PPARGC1A: variants seen among roughly 807,000 people sequenced by gnomAD.
PPARGC1A encodes the protein PPARG coactivator 1 alpha.
Under a neutral mutation model 88.7 loss-of-function variants are expected in PPARGC1A, and 25 were observed. The observed-to-expected ratio is 0.28, with a 90% confidence interval of 0.21 to 0.39. The LOEUF (loss-of-function observed/expected upper bound fraction) is 0.39, where lower values mean the gene tolerates loss of function less well. PPARGC1A is among the 10% of genes least tolerant of loss of function. The probability of loss-of-function intolerance (pLI) is 1.00; values close to 1 mark genes in which losing one functional copy is unlikely to be tolerated. For missense variants in PPARGC1A, 880 were observed against 968.7 expected, an observed-to-expected ratio of 0.91 and a Z score of 1.22; for synonymous variants, 363 against 355.6, an observed-to-expected ratio of 1.02 and a Z score of -0.24.
At chr4:24,306,801 A>T in the PPARGC1A span, among the ~76,000 whole-genome samples, 1 of 152,218 alleles carries the variant, frequency 6.6e-6, no homozygotes, top group African/African-American at 2.4e-5. Context: ...CAAAGTAGTA[A>T]TAGGAAGGAG....
At chr4:24,172,178 G>A in the PPARGC1A span, among the ~76,000 whole-genome samples, 1 of 152,182 alleles carries the variant, frequency 6.6e-6, no homozygotes, top group African/African-American at 2.4e-5. Flanking sequence ...CAGTATCACA[G>A]CAGGTCACTG....
At chr4:24,288,155 C>T in the PPARGC1A span, among the ~76,000 whole-genome samples, 1 of 152,120 alleles carries the variant, frequency 6.6e-6, no homozygotes, top group African/African-American at 2.4e-5. Context: ...TATCCCAGAC[C>T]TGAATTACAG....
At chr4:23,991,904 G>A in the PPARGC1A span, among the ~76,000 whole-genome samples, 1 of 152,060 alleles carries the variant, frequency 6.6e-6, no homozygotes, top group East Asian at 1.9e-4. Context: ...CTTAGCTGAG[G>A]AAGGCTGCAA....
At chr4:23,806,009 C>A (rs529461400) in intron 10 of PPARGC1A, among the ~76,000 whole-genome samples, 1 of 152,138 alleles carries the variant, frequency 6.6e-6, no homozygotes, top group East Asian at 1.9e-4. Flanking sequence ...AACCAGAGGA[C>A]CTTTTATAAT....
the PPARGC1A span, among the ~76,000 whole-genome samples, chr4:24,000,524 T>C: frequency 2.7e-5 from 4 of 150,098 alleles, no homozygotes; most frequent in Non-Finnish European, 5.9e-5. Context: ...TTTTTTTTAA[T>C]GAAGCAGATA....
At chr4:23,857,373 G>GT (rs148212399) in intron 2 of PPARGC1A, among the ~76,000 whole-genome samples, 28 of 104,452 alleles carry the variant, frequency 2.7e-4, no homozygotes, top group East Asian at 1.4e-3. Context: ...GTGTGTGTGT[G>GT]ACACACACAC....
At chr4:23,908,598 CTCAG>C (rs1720352623), upstream of PPARGC1A, among the ~76,000 whole-genome samples, 1 of 151,954 alleles carries the variant, frequency 6.6e-6, no homozygotes, top group African/African-American at 2.4e-5. Context: ...TTATTTATGT[CTCAG>C]TCAGTAACTT....
chr4:23,867,163 T>C (rs1392610522), intron 2 of PPARGC1A, among the ~76,000 whole-genome samples: 4 of 152,176 alleles, frequency 2.6e-5, no homozygotes, highest in East Asian at 1.9e-4. Flanking sequence ...TTCACGGACA[T>C]TTTTACTCCT....
the PPARGC1A span, among the ~76,000 whole-genome samples, chr4:23,986,115 T>C: frequency 5.9e-5 from 9 of 152,048 alleles, no homozygotes; most frequent in Non-Finnish European, 1.3e-4. Flanking sequence ...AAAGGTAAGT[T>C]ATGTATTAAA....
At chr4:24,114,054 G>T in the PPARGC1A span, among the ~76,000 whole-genome samples, 1 of 150,214 alleles carries the variant, frequency 6.7e-6, no homozygotes, top group African/African-American at 2.4e-5. Context: ...AACCCAGGAG[G>T]TGGAGACCGC....
the PPARGC1A span, among the ~76,000 whole-genome samples, chr4:24,233,579 AACACATACACACAC>A: frequency 1.1e-5 from 1 of 93,792 alleles, no homozygotes; most frequent in African/African-American, 4.0e-5. Context: ...GACACACACA[AACACATACACACAC>A]ACACACACAC....
the PPARGC1A span, among the ~76,000 whole-genome samples, chr4:24,454,748 A>AAG: frequency 6.6e-6 from 1 of 151,956 alleles, no homozygotes; most frequent in African/African-American, 2.4e-5. Context: ...AAAAAAAAAA[A>AAG]AATCTGTATT....
At chr4:24,268,106 T>C in the PPARGC1A span, among the ~76,000 whole-genome samples, 1 of 152,218 alleles carries the variant, frequency 6.6e-6, no homozygotes, top group Non-Finnish European at 1.5e-5. Context: ...AAGTTCTGGA[T>C]CTTGACATGT....
intron 2 of PPARGC1A, among the ~76,000 whole-genome samples, chr4:23,867,603 G>A (rs1226153397): frequency 6.6e-6 from 1 of 152,196 alleles, no homozygotes; most frequent in African/African-American, 2.4e-5. Flanking sequence ...GGGAATTAAG[G>A]TGAAGGAGAT....
the PPARGC1A span, among the ~76,000 whole-genome samples, chr4:24,202,547 T>C: frequency 6.6e-6 from 1 of 152,164 alleles, no homozygotes; most frequent in Admixed American, 6.5e-5. Flanking sequence ...TTCTACATAG[T>C]GGACACATTA....
the PPARGC1A span, among the ~76,000 whole-genome samples, chr4:24,132,143 T>C: frequency 6.6e-6 from 1 of 152,164 alleles, no homozygotes; most frequent in Non-Finnish European, 1.5e-5. Flanking sequence ...TTATTATCCC[T>C]GTTTTGAAAT....
At chr4:24,203,301 G>T in the PPARGC1A span, among the ~76,000 whole-genome samples, 3 of 152,210 alleles carry the variant, frequency 2.0e-5, no homozygotes, top group Non-Finnish European at 4.4e-5. Flanking sequence ...CACTTTGGGA[G>T]GCCAAGGCAG....
At chr4:24,026,573 A>T in the PPARGC1A span, among the ~76,000 whole-genome samples, 1 of 152,154 alleles carries the variant, frequency 6.6e-6, no homozygotes, top group Non-Finnish European at 1.5e-5. Context: ...CAGTTTCAAA[A>T]AAAAAACTAA....
At chr4:24,439,601 C>A in the PPARGC1A span, among the ~76,000 whole-genome samples, 2 of 152,174 alleles carry the variant, frequency 1.3e-5, no homozygotes, top group African/African-American at 4.8e-5. Context: ...CATCTGGGTA[C>A]TACCAGCAAC....
Sources: gnomAD v4.1 joint callset for allele counts (sites outside exome capture counted in the v4.1 genomes callset) on GRCh38, gnomAD v4.1.1 for gene constraint, MANE v1.5 for transcripts, NCBI Gene and HGNC (gene_info 2026-07-23, HGNC 2026-07-21) for gene names.